The following MTBP variants were observed in gnomAD, a reference collection of about 807,000 sequenced individuals.
The protein encoded by MTBP is mdm2-binding protein.
A neutral mutation model predicts 117.0 loss-of-function variants in MTBP; 101 were observed. The ratio of observed to expected loss-of-function variants is 0.86; its 90% confidence interval spans 0.73 to 1.02. The LOEUF (loss-of-function observed/expected upper bound fraction) is 1.02, where lower values mean the gene tolerates loss of function less well. Ranked by LOEUF, MTBP falls within the 50% of genes least tolerant of loss-of-function variation. MTBP has a pLI of 0.00. For synonymous variants in MTBP, 350 were observed against 351.5 expected, an observed-to-expected ratio of 1.00 and a Z score of 0.05; for missense variants, 970 against 1,030.9, an observed-to-expected ratio of 0.94 and a Z score of 0.81.
At chr8:120,510,837 G>T (rs952805535) in intron 17 of MTBP, among the ~76,000 whole-genome samples, 4 of 152,050 alleles carry the variant, frequency 2.6e-5, no homozygotes, top group Non-Finnish European at 5.9e-5. Context: ...TTGATATTGG[G>T]AGATTGAGGC....
intron 20 of MTBP, 66 bp from the exon 21 acceptor site, chr8:120,522,588 T>C (rs1815023486): frequency 1.9e-6 from 2 of 1,054,154 alleles, no homozygotes; most frequent in African/African-American, 1.6e-5. Context: ...GTGTATTTAA[T>C]AATAATGAGT....
At chr8:120,512,820 A>C (rs1586972521) in intron 17 of MTBP, among the ~76,000 whole-genome samples, 1 of 151,908 alleles carries the variant, frequency 6.6e-6, no homozygotes, top group African/African-American at 2.4e-5. Context: ...TTTTTTCAAG[A>C]AGATTTGGGT....
intron 17 of MTBP, among the ~76,000 whole-genome samples, chr8:120,510,599 A>G (rs76435369): frequency 0.014 from 2,082 of 152,268 alleles, 42 homozygotes; most frequent in African/African-American, 0.046. Flanking sequence ...TGTGTGAAAA[A>G]TACTTGAAAT....
At chr8:120,496,742 T>C (rs575996701) in intron 13 of MTBP, among the ~76,000 whole-genome samples, 68 of 152,012 alleles carry the variant, frequency 4.5e-4, no homozygotes, top group African/African-American at 1.4e-3. Context: ...GCAAGCAGTG[T>C]TGCCTATCTA....
Position 120,522,675 on chromosome 8 carries a change from C to T in MTBP, c.2632C>T (p.Leu878=). 2 of 1,605,304 alleles carry T rather than the reference C, an allele frequency of 1.2e-6. No homozygotes were observed. Among genetic ancestry groups the T allele is most frequent in the Non-Finnish European group, 1.7e-6 (2 of 1,174,118 alleles). Residue 878 remains leucine, a synonymous_variant, in exon 21 of 22, where the codon CTA becomes TTA. Transcript: ENST00000305949. Reference sequence around the variant, plus strand: ...TTAGGATCTTAAAACTTCAAGGGGTCTATTTGAAGAAATGAAGAAAACAGC... The same window carrying T: ...TTAGGATCTTAAAACTTCAAGGGGTTTATTTGAAGAAATGAAGAAAACAGC... ...YLKDLKTSRG[L]FEEMKKTANN...
At chr8:120,515,200 T>C (rs1270765866) in intron 17 of MTBP, among the ~76,000 whole-genome samples, 1 of 152,084 alleles carries the variant, frequency 6.6e-6, no homozygotes, top group Non-Finnish European at 1.5e-5. Context: ...TTGTGTTTTT[T>C]TAATGCTGTT....
intron 17 of MTBP, among the ~76,000 whole-genome samples, chr8:120,512,532 A>T (rs973196253): frequency 6.6e-6 from 1 of 150,406 alleles, no homozygotes; most frequent in African/African-American, 2.4e-5. Context: ...ATGATCATTT[A>T]TCAAAATATT....
chr8:120,493,847 A>T (rs1026985752), intron 13 of MTBP, among the ~76,000 whole-genome samples: 2 of 152,176 alleles, frequency 1.3e-5, no homozygotes, highest in Non-Finnish European at 2.9e-5. Context: ...TCTGAAGCAG[A>T]TTACTGCGTA....
At chr8:120,510,449 C>A (rs1166280702) in intron 17 of MTBP, among the ~76,000 whole-genome samples, 4 of 151,910 alleles carry the variant, frequency 2.6e-5, no homozygotes, top group Non-Finnish European at 4.4e-5. Context: ...GTTTAATTCT[C>A]AATATCCTCA....
intron 11 of MTBP, among the ~76,000 whole-genome samples, chr8:120,480,085 T>C (rs1432580053): frequency 6.6e-6 from 1 of 152,098 alleles, no homozygotes; most frequent in Non-Finnish European, 1.5e-5. Context: ...AGATGTACCA[T>C]ATTTAGAGTT....
chr8:120,504,371 C>T (rs967347346), intron 15 of MTBP, among the ~76,000 whole-genome samples: 1 of 152,074 alleles, frequency 6.6e-6, no homozygotes, highest in Non-Finnish European at 1.5e-5. Context: ...TTGCAGTATA[C>T]AAGTCTTAAT....
chr8:120,518,423 C>T (rs541312826), intron 19 of MTBP, among the ~76,000 whole-genome samples: 9 of 152,160 alleles, frequency 5.9e-5, no homozygotes, highest in Admixed American at 3.3e-4. Context: ...CATATCCCTG[C>T]TGTGTGTAAC....
chr8:120,446,947 G>A (rs1194270152), intron 2 of MTBP, among the ~76,000 whole-genome samples: 2 of 152,092 alleles, frequency 1.3e-5, no homozygotes, highest in Non-Finnish European at 2.9e-5. Context: ...TACTAAACAC[G>A]ATGAGCTTTT....
At chr8:120,446,007 T>G (rs1813218073) in intron 1 of MTBP, among the ~76,000 whole-genome samples, 1 of 152,206 alleles carries the variant, frequency 6.6e-6, no homozygotes, top group African/African-American at 2.4e-5. Flanking sequence ...ACCTAAGTTT[T>G]AAAAACAAAT....
chr8:120,454,125 T>C (rs1249638345), intron 5 of MTBP, among the ~76,000 whole-genome samples: 1 of 152,120 alleles, frequency 6.6e-6, no homozygotes, highest in African/African-American at 2.4e-5. Context: ...AGGCAAAAAT[T>C]AGAACTTTGG....
At chr8:120,509,581 G>A (rs1486376256) in intron 16 of MTBP, among the ~76,000 whole-genome samples, 2 of 152,046 alleles carry the variant, frequency 1.3e-5, no homozygotes, top group African/African-American at 4.8e-5. Flanking sequence ...CAGCCTGGAC[G>A]ACAGAGTGAG....
intron 11 of MTBP, among the ~76,000 whole-genome samples, chr8:120,486,730 A>G (rs1269144115): frequency 6.6e-6 from 1 of 152,014 alleles, no homozygotes; most frequent in Non-Finnish European, 1.5e-5. Flanking sequence ...CTGTGTTGGG[A>G]ATGGGTGGGG....
rs1454496814 is a variant in MTBP, at chr8:120,517,015, C to A, written c.2246+824C>A. ...AAAAGCAGCAGTTACATTTGGGGTA[C>A]TATATTTATAGCCATATTTCTTATT... On this transcript the variant is annotated intron_variant, in intron 18 of 21. Transcript: ENST00000305949. Among the ~76,000 whole-genome samples the A allele has an allele frequency of 3.3e-5, 5 of 151,840 alleles. No individual in the cohort carries two copies. The East Asian group carries it at 9.6e-4, about 29-fold the overall frequency.
At chr8:120,503,551 A>C (rs990222411) in intron 15 of MTBP, among the ~76,000 whole-genome samples, 1 of 152,142 alleles carries the variant, frequency 6.6e-6, no homozygotes, top group African/African-American at 2.4e-5. Flanking sequence ...AAATGGGTGA[A>C]GTACATTCAG....
Sources: gnomAD v4.1 joint callset for allele counts (sites outside exome capture counted in the v4.1 genomes callset) on GRCh38, gnomAD v4.1.1 for gene constraint, MANE v1.5 for transcripts, NCBI Gene and HGNC (gene_info 2026-07-23, HGNC 2026-07-21) for gene names.